KIF26B: variants seen among roughly 807,000 people sequenced by gnomAD.
KIF26B encodes kinesin family member 26B.
In KIF26B, 63 loss-of-function variants were observed where a neutral mutation model predicts 151.2. The ratio of observed to expected loss-of-function variants is 0.42; its 90% CI spans 0.34 to 0.51. KIF26B has a LOEUF of 0.51. Among genes scored for constraint, KIF26B ranks in the 20% least tolerant of loss-of-function variants. The probability of loss-of-function intolerance (pLI) is 0.07; values close to 1 mark genes in which losing one functional copy is unlikely to be tolerated. For missense variants in KIF26B, 2,813 were observed against 2,913.6 expected (o/e 0.97, Z 0.79); for synonymous variants, 1,357 against 1,262.1 (o/e 1.08, Z -1.59).
intron 2 of KIF26B, among the ~76,000 whole-genome samples, chr1:245,246,418 C>T (rs1284284050): frequency 2.6e-5 from 4 of 152,222 alleles, no homozygotes; most frequent in Admixed American, 2.0e-4. Context: ...CAGGTGGCCA[C>T]ACCACTCACC....
At chr1:245,671,225 T>G (rs889866713) in intron 10 of KIF26B, among the ~76,000 whole-genome samples, 19 of 152,242 alleles carry the variant, frequency 1.2e-4, no homozygotes, top group Admixed American at 5.2e-4. Flanking sequence ...TATACCACAT[T>G]TTCTTTATCC....
At chr1:245,220,249 G>A (rs111492788) in intron 2 of KIF26B, among the ~76,000 whole-genome samples, 3 of 152,168 alleles carry the variant, frequency 2.0e-5, no homozygotes, top group African/African-American at 4.8e-5. Context: ...AATAATCACC[G>A]ATAGGAAAGT....
At chr1:245,629,913 A>C (rs570393084) in intron 9 of KIF26B, among the ~76,000 whole-genome samples, 1 of 152,304 alleles carries the variant, frequency 6.6e-6, no homozygotes, top group Non-Finnish European at 1.5e-5. Context: ...AACATCAAAA[A>C]GTGGGCAAAG....
chr1:245,186,762 G>A (rs1669007395), intron 2 of KIF26B, among the ~76,000 whole-genome samples: 1 of 152,192 alleles, frequency 6.6e-6, no homozygotes, highest in South Asian at 2.1e-4. Flanking sequence ...AGTGACATCA[G>A]ATGCAAAGAG....
Position 245,601,939 on chromosome 1 carries a change from C to T in KIF26B, c.1351-638C>T, listed in dbSNP as rs1386060550. On this transcript the variant is annotated intron_variant, in intron 5 of 14. Transcript: ENST00000407071. The surrounding 1 kb of genome is among the most constrained non-coding windows in gnomAD (Gnocchi z 4.4). ...GTGGGCTAAAGGGCAGCGCCTCCTGCTCCCTCCAGAGATGCACTTCCATTC... is the reference window on the plus strand; with the variant it reads ...GTGGGCTAAAGGGCAGCGCCTCCTGTTCCCTCCAGAGATGCACTTCCATTC... Among the ~76,000 whole-genome samples, 1 of 152,196 alleles carries T rather than the reference C, an allele frequency of 6.6e-6. No homozygotes were observed. Among genetic ancestry groups the T allele is most frequent in the Non-Finnish European group, 1.5e-5 (1 of 68,034 alleles).
intron 12 of KIF26B, among the ~76,000 whole-genome samples, chr1:245,690,745 G>GGT (rs2044613989): frequency 1.3e-5 from 2 of 150,888 alleles, no homozygotes; most frequent in African/African-American, 4.9e-5. Flanking sequence ...TTGCCTGGGG[G>GGT]GGGGGTATGC....
At chr1:245,201,954 G>A (rs1189344412) in intron 2 of KIF26B, among the ~76,000 whole-genome samples, 3 of 152,156 alleles carry the variant, frequency 2.0e-5, no homozygotes, top group African/African-American at 7.2e-5. Context: ...TGCTTAGGTC[G>A]TTGCTGTTTT....
intron 4 of KIF26B, among the ~76,000 whole-genome samples, chr1:245,445,813 C>T (rs1471650867): frequency 6.6e-6 from 1 of 152,180 alleles, no homozygotes; most frequent in Non-Finnish European, 1.5e-5. Context: ...ACTCTGCTCT[C>T]CTCCCAGAAC....
intron 5 of KIF26B, among the ~76,000 whole-genome samples, chr1:245,561,733 G>T (rs1027095890): frequency 6.6e-6 from 1 of 152,218 alleles, no homozygotes; most frequent in Non-Finnish European, 1.5e-5. Flanking sequence ...GGCCTAGAGA[G>T]TCATGTGCAT....
intron 2 of KIF26B, among the ~76,000 whole-genome samples, chr1:245,223,420 G>T (rs564285221): frequency 6.6e-6 from 1 of 152,134 alleles, no homozygotes; most frequent in Non-Finnish European, 1.5e-5. Context: ...TTTGGTCAGG[G>T]CATGCACCTG....
intron 5 of KIF26B, among the ~76,000 whole-genome samples, chr1:245,561,539 G>A (rs968253912): frequency 1.3e-5 from 2 of 152,196 alleles, no homozygotes; most frequent in Non-Finnish European, 2.9e-5. Flanking sequence ...ACTGAGTACT[G>A]TTCTGAGTGC....
chr1:245,235,503 G>A (rs1274704069), intron 2 of KIF26B, among the ~76,000 whole-genome samples: 2 of 152,070 alleles, frequency 1.3e-5, no homozygotes, highest in African/African-American at 4.8e-5. Flanking sequence ...AGAGGTGGGG[G>A]GATCGCTTGA....
At chr1:245,465,592 TA>T (rs1435777265) in intron 4 of KIF26B, among the ~76,000 whole-genome samples, 238 of 152,316 alleles carry the variant, frequency 1.6e-3, no homozygotes, top group African/African-American at 5.5e-3. Flanking sequence ...CTTTAGCACG[TA>T]GATATTCACA....
chr1:245,686,884 C>G lies in KIF26B; in HGVS notation c.3901C>G (p.Gln1301Glu), dbSNP rs375492433. Residue 1301 changes from glutamine (Q) to glutamate (E), a missense_variant, in exon 12 of 15, where the codon CAG becomes GAG. Physicochemically the swap from Gln to Glu is conservative, Grantham distance 29. Coordinates refer to ENST00000407071, the MANE Select transcript of KIF26B (RefSeq NM_018012.4). The surrounding 1 kb of genome is among the most constrained non-coding windows in gnomAD (Gnocchi z 5.6). The part of the protein sequence containing the change: ...GEQSCHSFIA[Q>E]TCFGHGEAMA... Reference sequence around the variant, plus strand: ...GCAGTCGTGCCACAGTTTCATAGCCCAGACGTGTTTTGGGCACGGGGAGGC... The same window carrying G: ...GCAGTCGTGCCACAGTTTCATAGCCGAGACGTGTTTTGGGCACGGGGAGGC... 2.5e-6 allele frequency: 4 copies of G among 1,613,586 alleles called. No homozygotes were observed. Among genetic ancestry groups the G allele is most frequent in the South Asian group, 1.1e-5 (1 of 91,014 alleles).
chr1:245,617,506 T>G (rs1337273555), intron 9 of KIF26B, among the ~76,000 whole-genome samples: 1 of 152,120 alleles, frequency 6.6e-6, no homozygotes, highest in East Asian at 1.9e-4. Flanking sequence ...ATTCTTTGGG[T>G]GGCAGATGTG....
chr1:245,411,231 C>T (rs1029639024), intron 3 of KIF26B, among the ~76,000 whole-genome samples: 1 of 152,202 alleles, frequency 6.6e-6, no homozygotes, highest in Non-Finnish European at 1.5e-5. Context: ...GGCATCACCG[C>T]GGTTCTGGGT....
intron 5 of KIF26B, among the ~76,000 whole-genome samples, chr1:245,549,517 CTT>C: frequency 6.6e-6 from 1 of 152,128 alleles, no homozygotes; most frequent in East Asian, 1.9e-4. Flanking sequence ...TAGTCTTTCT[CTT>C]GTTAATGGAT....
At chr1:245,251,238 AT>A (rs527878448) in intron 2 of KIF26B, among the ~76,000 whole-genome samples, 152 of 152,324 alleles carry the variant, frequency 1.0e-3, no homozygotes, top group African/African-American at 3.6e-3. Context: ...TTGTACAAAT[AT>A]TTAGGCACAG....
intron 5 of KIF26B, among the ~76,000 whole-genome samples, chr1:245,549,235 C>T (rs1011190916): frequency 6.6e-6 from 1 of 152,044 alleles, no homozygotes; most frequent in African/African-American, 2.4e-5. Flanking sequence ...CTTGGGGCCT[C>T]CTGGAATACC....
Sources: allele counts gnomAD v4.1 joint callset (sites outside exome capture counted in the v4.1 genomes callset), GRCh38; gene constraint gnomAD v4.1.1; non-coding constraint Gnocchi (gnomAD v3.1); transcripts MANE v1.5; gene names NCBI Gene and HGNC (gene_info 2026-07-23, HGNC 2026-07-21).